CRB1: variants seen among roughly 807,000 people sequenced by gnomAD.
CRB1 encodes protein crumbs homolog 1.
Under a neutral mutation model 120.0 loss-of-function variants are expected in CRB1, and 83 were observed. That is an observed-to-expected ratio of 0.69 (90% CI 0.58 to 0.83). CRB1 has a LOEUF of 0.83. Ranked by LOEUF, CRB1 falls within the 40% of genes least tolerant of loss-of-function variation. The pLI is 0.00. For missense variants in CRB1, 1,699 were observed against 1,687.6 expected, an observed-to-expected ratio of 1.01 and a Z score of -0.12; for synonymous variants, 625 against 612.5, an observed-to-expected ratio of 1.02 and a Z score of -0.30.
At chr1:197,411,667 C>G (rs1246625483) in intron 5 of CRB1, among the ~76,000 whole-genome samples, 3 of 152,128 alleles carry the variant, frequency 2.0e-5, no homozygotes, top group Non-Finnish European at 4.4e-5. Context: ...GTACATCACT[C>G]TGATATATTA....
intron 5 of CRB1, among the ~76,000 whole-genome samples, chr1:197,380,469 G>A (rs556391798): frequency 3.2e-4 from 49 of 152,190 alleles, no homozygotes; most frequent in Admixed American, 5.2e-4. Flanking sequence ...AGCAGCTAAG[G>A]GTATCCAGTA....
intron 5 of CRB1, among the ~76,000 whole-genome samples, chr1:197,393,153 T>C (rs1457718642): frequency 6.6e-6 from 1 of 151,996 alleles, no homozygotes; most frequent in Non-Finnish European, 1.5e-5. Context: ...AAAAATAGAT[T>C]AACATCTAAA....
chr1:197,225,315 T>A, the CRB1 span, among the ~76,000 whole-genome samples: 4 of 152,254 alleles, frequency 2.6e-5, no homozygotes, highest in Non-Finnish European at 5.9e-5. Context: ...CCATTATGAA[T>A]TAATGTTTCA....
At chr1:197,366,339 A>G (rs1661075652) in intron 5 of CRB1, among the ~76,000 whole-genome samples, 1 of 152,162 alleles carries the variant, frequency 6.6e-6, no homozygotes, top group African/African-American at 2.4e-5. Flanking sequence ...AGATTAAAAT[A>G]AAATTTCCAT....
chr1:197,366,903 T>A (rs1467425096), intron 5 of CRB1, among the ~76,000 whole-genome samples: 1 of 152,060 alleles, frequency 6.6e-6, no homozygotes, highest in Non-Finnish European at 1.5e-5. Context: ...ATTCTCTAAT[T>A]CTCCAAAATC....
At chr1:197,296,713 G>A (rs1028920285) in intron 1 of CRB1, among the ~76,000 whole-genome samples, 3 of 151,972 alleles carry the variant, frequency 2.0e-5, no homozygotes, top group Non-Finnish European at 2.9e-5. Flanking sequence ...ACATGTTGTC[G>A]GAGGGGCCTG....
intron 1 of CRB1, 123 bp downstream of exon 1, chr1:197,268,605 GT>G (rs896499853): frequency 2.9e-3 from 1,903 of 659,910 alleles, no homozygotes; most frequent in East Asian, 3.6e-3. Flanking sequence ...GTTTTTATTT[GT>G]TTTTTTTTTA....
chr1:197,267,577 A>G (rs916534168), upstream of CRB1, among the ~76,000 whole-genome samples: 5 of 152,248 alleles, frequency 3.3e-5, no homozygotes, highest in African/African-American at 1.2e-4. Flanking sequence ...ATTAGAAAAT[A>G]AAGCATTCTG....
intron 1 of CRB1, among the ~76,000 whole-genome samples, chr1:197,324,349 A>G (rs1038753904): frequency 6.6e-6 from 1 of 152,198 alleles, no homozygotes; most frequent in Non-Finnish European, 1.5e-5. Flanking sequence ...AACTATGTAC[A>G]TGGCACTCTG....
At chr1:197,415,005 C>A (rs1012681844) in intron 5 of CRB1, among the ~76,000 whole-genome samples, 2 of 151,690 alleles carry the variant, frequency 1.3e-5, no homozygotes, top group Admixed American at 6.6e-5. Context: ...TTTTTTTGTT[C>A]TTTTTAAAGT....
Position 197,427,820 on chromosome 1 carries a change from T to C in CRB1, c.2495T>C (p.Ile832Thr). The C allele has an allele frequency of 6.2e-7, 1 of 1,614,054 alleles. No individual in the cohort carries two copies. The highest frequency in any genetic ancestry group is 8.5e-7 in the Non-Finnish European group (1 of 1,179,994). Residue 832 changes from isoleucine (I) to threonine (T), a missense_variant, in exon 7 of 12, where the codon ATT (isoleucine) becomes ACT (threonine). Transcript: ENST00000367400. ...ATCGAAAAGGGAGATGTCATCTACA[T>C]TGGTGGCCTACCTGACAAGCAAGAG... ...WKIEKGDVIY[I>T]GGLPDKQETE...
chr1:197,279,186 T>C (rs182173186), intron 1 of CRB1, among the ~76,000 whole-genome samples: 60 of 152,042 alleles, frequency 3.9e-4, no homozygotes, highest in South Asian at 8.3e-4. Flanking sequence ...TATTTCTCTT[T>C]AACCTCATTT....
At chr1:197,387,061 G>C (rs965372299) in intron 5 of CRB1, among the ~76,000 whole-genome samples, 1 of 151,968 alleles carries the variant, frequency 6.6e-6, no homozygotes, top group Non-Finnish European at 1.5e-5. Flanking sequence ...TCACTCCATT[G>C]GTCCTTGGCA....
At chr1:197,417,934 A>C (rs927964985) in intron 5 of CRB1, among the ~76,000 whole-genome samples, 1 of 152,132 alleles carries the variant, frequency 6.6e-6, no homozygotes, top group Non-Finnish European at 1.5e-5. Flanking sequence ...ATTGCATTGA[A>C]ATTTTTGATC....
At chr1:197,382,225 T>C (rs1169525817) in intron 5 of CRB1, among the ~76,000 whole-genome samples, 1 of 152,194 alleles carries the variant, frequency 6.6e-6, no homozygotes, top group African/African-American at 2.4e-5. Context: ...AATGAGTTAA[T>C]ATATTCAAAA....
At chr1:197,428,898 A>C in intron 7 of CRB1, 1 of 1,448,758 alleles carries the variant, frequency 6.9e-7, no homozygotes, top group Admixed American at 2.2e-5. Flanking sequence ...ATTTCTTTTT[A>C]AATACTTTCA....
intron 8 of CRB1, among the ~76,000 whole-genome samples, chr1:197,433,507 C>T (rs1243394787): frequency 6.6e-6 from 1 of 151,870 alleles, no homozygotes; most frequent in Non-Finnish European, 1.5e-5. Flanking sequence ...GGGACAAAAG[C>T]TTGAGTGGCA....
chr1:197,261,926 A>G, the CRB1 span, among the ~76,000 whole-genome samples: 1 of 152,206 alleles, frequency 6.6e-6, no homozygotes, highest in Admixed American at 6.5e-5. Flanking sequence ...GATAATGTGC[A>G]TAAAATAATC....
intron 1 of CRB1, among the ~76,000 whole-genome samples, chr1:197,324,929 A>C (rs1658409397): frequency 6.6e-6 from 1 of 152,188 alleles, no homozygotes; most frequent in Admixed American, 6.5e-5. Flanking sequence ...ACAAAGGAAA[A>C]ATGGTCTTAA....
Sources: allele counts gnomAD v4.1 joint callset (sites outside exome capture counted in the v4.1 genomes callset), GRCh38; gene constraint gnomAD v4.1.1; transcripts MANE v1.5; gene names NCBI Gene and HGNC (gene_info 2026-07-23, HGNC 2026-07-21).